TMX1: variants seen among roughly 807,000 people sequenced by gnomAD.
TMX1 encodes thioredoxin-related transmembrane protein 1.
Under a neutral mutation model 36.6 loss-of-function variants are expected in TMX1, and 25 were observed. That is an observed-to-expected ratio of 0.68 (90% CI 0.50 to 0.95). The LOEUF (loss-of-function observed/expected upper bound fraction) is 0.95. Ranked by LOEUF, TMX1 falls within the 40% of genes least tolerant of loss-of-function variation. The pLI is 0.00. For synonymous variants in TMX1, 133 were observed against 118.0 expected (o/e 1.13, Z -0.82); for missense variants, 347 against 339.6 (o/e 1.02, Z -0.17).
intron 7 of TMX1, among the ~76,000 whole-genome samples, chr14:51,250,167 GA>G (rs1281400697): frequency 6.6e-6 from 1 of 152,144 alleles, no homozygotes; most frequent in Admixed American, 6.5e-5. Flanking sequence ...AGGATATTGG[GA>G]AAAGCAATCC....
intron 3 of TMX1, among the ~76,000 whole-genome samples, chr14:51,246,590 G>A (rs902400039): frequency 6.6e-6 from 1 of 152,162 alleles, no homozygotes; most frequent in African/African-American, 2.4e-5. Flanking sequence ...TCACTAAATA[G>A]TCACTGAAAT....
chr14:51,249,467 G>C lies in TMX1; in HGVS notation c.490-1G>C, dbSNP rs1416914183. ...AGTTTTTTTTTTTCTTTTGATTTTA[G>C]ACTTGCCATAACTACTTTATTGAAG... On this transcript the variant is annotated splice_acceptor_variant, in intron 5 of 7. Coordinates refer to ENST00000457354, the MANE Select transcript of TMX1 (RefSeq NM_030755.5). LOFTEE classifies it high-confidence loss of function. 2 of 1,594,648 alleles carry C rather than the reference G, an allele frequency of 1.3e-6. No homozygotes were observed. Among genetic ancestry groups the C allele is most frequent in the Admixed American group, 1.8e-5 (1 of 55,326 alleles).
At position 51,254,749 on chromosome 14, in the gene TMX1, C is replaced by T. The variant is rs116345030; in HGVS notation, c.*230C>T. On this transcript the variant is annotated 3_prime_UTR_variant, in exon 8 of 8. Coordinates refer to ENST00000457354, the MANE Select transcript of TMX1 (RefSeq NM_030755.5). ...AATAGTTCTCTAATTTTTGAAAAATCGTGCCAAGCAATAAGATTTATGTAT... is the reference window on the plus strand; with the variant it reads ...AATAGTTCTCTAATTTTTGAAAAATTGTGCCAAGCAATAAGATTTATGTAT... 3,562 of 335,514 alleles carry T rather than the reference C, an allele frequency of 0.011. 81 individuals are homozygous for T. Among genetic ancestry groups the T allele is most frequent in the East Asian group, 0.08 (1,685 of 21,104 alleles). The allele number at this position is 335,514 out of a possible 1,614,324, so 20.8% of individuals were successfully genotyped here. A position where few individuals can be genotyped will look rare whatever the true frequency, so the allele number is the denominator to read the frequency against.
intron 1 of TMX1, 142 bp downstream of exon 1, chr14:51,240,586 A>G (rs1361228460): frequency 1.5e-5 from 18 of 1,234,058 alleles, no homozygotes; most frequent in African/African-American, 6.1e-5. Flanking sequence ...CAGCTCCCCA[A>G]ACTCTTGGGA....
At chr14:51,241,596 C>T (rs962945674) in intron 1 of TMX1, among the ~76,000 whole-genome samples, 2 of 152,118 alleles carry the variant, frequency 1.3e-5, no homozygotes, top group African/African-American at 2.4e-5. Context: ...CTGGAAGTGG[C>T]GTACGCTACC....
chr14:51,245,393 A>C, intron 3 of TMX1, 35 bp downstream of exon 3: 3 of 1,611,742 alleles, frequency 1.9e-6, no homozygotes, highest in Middle Eastern at 1.7e-4. Flanking sequence ...ATGGAGAAGG[A>C]TGCATTATAG....
intron 1 of TMX1, among the ~76,000 whole-genome samples, chr14:51,242,279 T>C (rs936174535): frequency 9.2e-5 from 14 of 152,230 alleles, no homozygotes; most frequent in African/African-American, 2.4e-4. Flanking sequence ...GTCATCATCA[T>C]GAGTAACTTG....
chr14:51,245,429 G>T (rs770583580), intron 3 of TMX1, 71 bp downstream of exon 3: 47 of 1,596,148 alleles, frequency 2.9e-5, no homozygotes, highest in Admixed American at 6.9e-5. Flanking sequence ...TAGGCCTCTG[G>T]CTTGGATCAT....
In TMX1 at chr14:51,255,764, G is replaced by A. The variant is rs1277952303; in HGVS notation, c.*1245G>A. ...TGTATTTTTACTCCTTAAAGAGCTA[G>A]AATACATAGTTTTCACCTTAAAAGA... On this transcript the variant is annotated 3_prime_UTR_variant, in exon 8 of 8. Coordinates refer to ENST00000457354, the MANE Select transcript of TMX1 (RefSeq NM_030755.5). The A allele has an allele frequency of 6.6e-6, 1 of 151,998 alleles. No homozygotes were observed. The highest frequency in any genetic ancestry group is 2.4e-5 in the African/African-American group (1 of 41,416). The allele number at this position is 151,998 out of a possible 1,614,324, so 9.4% of individuals were successfully genotyped here. A position where few individuals can be genotyped will look rare whatever the true frequency, so the allele number is the denominator to read the frequency against.
rs1342998622 is a variant in TMX1 at position 51,242,998 on chromosome 14, A to G, written c.153-858A>G. Among the ~76,000 whole-genome samples the G allele has an allele frequency of 2.6e-5, 4 of 151,474 alleles. 1 individual carries two copies. In the East Asian group the frequency reaches 7.8e-4, roughly 29 times the overall value. On this transcript the variant is annotated intron_variant, in intron 1 of 7. Coordinates refer to ENST00000457354, the MANE Select transcript of TMX1 (RefSeq NM_030755.5). The stretch of plus-strand genomic sequence containing the variant: ...CTTGTTCTACAATGTCTATTTTAGG[A>G]GTTTGGTTTTCATAAAACAAGTGAA...
chr14:51,241,055 C>T (rs2065758515), intron 1 of TMX1, among the ~76,000 whole-genome samples: 1 of 151,596 alleles, frequency 6.6e-6, no homozygotes, highest in Non-Finnish European at 1.5e-5. Flanking sequence ...TTTTTTCACT[C>T]CTCATCTCAT....
chr14:51,245,438 A>G (rs745404775), intron 3 of TMX1, 80 bp downstream of exon 3: 3 of 1,587,368 alleles, frequency 1.9e-6, no homozygotes, highest in African/African-American at 1.3e-5. Flanking sequence ...GGCTTGGATC[A>G]TGCTGGAAGA....
intron 7 of TMX1, among the ~76,000 whole-genome samples, chr14:51,253,491 A>G (rs965215753): frequency 6.6e-6 from 1 of 152,138 alleles, no homozygotes; most frequent in South Asian, 2.1e-4. Context: ...TATTAACCCA[A>G]TCCTTCCTTG....
chr14:51,242,225 C>T (rs115556332), intron 1 of TMX1, among the ~76,000 whole-genome samples: 148 of 152,280 alleles, frequency 9.7e-4, no homozygotes, highest in Middle Eastern at 3.4e-3. Flanking sequence ...TTCATTCAGG[C>T]ACCATTGAAA....
chr14:51,249,576 A>G lies in TMX1; in HGVS notation c.591+7A>G. The G allele has an allele frequency of 1.9e-6, 3 of 1,611,488 alleles. No homozygotes were observed. The highest frequency in any genetic ancestry group is 2.5e-6 in the Non-Finnish European group (3 of 1,178,918). ...CGGACTGTTATTAGGACTCGTAAGT[A>G]TTTCATTTTTGGAGTGCTAGGAAGA... On this transcript the variant is annotated splice_region_variant and intron_variant, in intron 6 of 7. Coordinates refer to ENST00000457354, the MANE Select transcript of TMX1 (RefSeq NM_030755.5).
At chr14:51,249,296 C>T in intron 4 of TMX1, 30 bp from the exon 5 acceptor site, 4 of 1,560,786 alleles carry the variant, frequency 2.6e-6, no homozygotes, top group Non-Finnish European at 3.5e-6. Flanking sequence ...GTATGTTACT[C>T]AGTTTTTTAA....
At chr14:51,249,205 A>G in intron 4 of TMX1, 121 bp from the exon 5 acceptor site, 3 of 742,642 alleles carry the variant, frequency 4.0e-6, no homozygotes, top group Non-Finnish European at 6.4e-6. Flanking sequence ...GTGATGTGTC[A>G]CTAGTCTTGA....
At chr14:51,253,609 T>G (rs1159847932) in intron 7 of TMX1, among the ~76,000 whole-genome samples, 5 of 152,214 alleles carry the variant, frequency 3.3e-5, no homozygotes, top group Non-Finnish European at 7.3e-5. Context: ...CTCCTGTATC[T>G]CACCATGGTG....
chr14:51,248,652 G>C (rs1004256849), intron 4 of TMX1, among the ~76,000 whole-genome samples: 1 of 152,136 alleles, frequency 6.6e-6, no homozygotes, highest in Non-Finnish European at 1.5e-5. Flanking sequence ...CCTTCCAGTA[G>C]AAGAAAGTAG....
Sources: gnomAD v4.1 joint callset for allele counts (sites outside exome capture counted in the v4.1 genomes callset) on GRCh38, gnomAD v4.1.1 for gene constraint, MANE v1.5 for transcripts, NCBI Gene and HGNC (gene_info 2026-07-23, HGNC 2026-07-21) for gene names.